SLC43A1: variants seen among roughly 807,000 people sequenced by gnomAD.
SLC43A1 encodes the protein solute carrier family 43 member 1.
SLC43A1 carries 31 observed loss-of-function variants against 59.5 expected under a neutral mutation model. The ratio of observed to expected loss-of-function variants is 0.52; its 90% CI spans 0.39 to 0.70. SLC43A1 has a LOEUF of 0.70. Among genes scored for constraint, SLC43A1 ranks in the 30% least tolerant of loss-of-function variants. The pLI, the probability that SLC43A1 is intolerant of heterozygous loss-of-function variation, is 0.00. For missense variants in SLC43A1, 598 were observed against 717.8 expected, an observed-to-expected ratio of 0.83 and a Z score of 1.91; for synonymous variants, 259 against 290.9, an observed-to-expected ratio of 0.89 and a Z score of 1.12.
Position 57,493,997 on chromosome 11 carries a change from A to G in SLC43A1, c.867T>C (p.Pro289=). Reference sequence around the variant, plus strand: ...GCACCTTGACCAGACACTCACTCTCAGGAAGGTTTTCTGAGGTGCCCCGAA... The same window carrying G: ...GCACCTTGACCAGACACTCACTCTCGGGAAGGTTTTCTGAGGTGCCCCGAA... ...QDVRGTSENL[P]ERSVPLRKSL... is the part of the protein sequence containing the mutation. Residue 289 remains proline, a synonymous_variant, in exon 8 of 15, where the codon CCT becomes CCC. Coordinates refer to ENST00000278426, the MANE Select transcript of SLC43A1 (RefSeq NM_003627.6). 6.3e-7 allele frequency: 1 copy of G among 1,591,228 alleles called. No individual in the cohort carries two copies. The highest frequency in any genetic ancestry group is 8.5e-7 in the Non-Finnish European group (1 of 1,170,318).
chr11:57,489,298 G>A lies in SLC43A1; in HGVS notation c.1288C>T (p.Leu430Phe), dbSNP rs533654606. Residue 430 changes from leucine (L) to phenylalanine (F), a missense_variant, in exon 12 of 15, where the codon CTT becomes TTT. Leu to Phe is a conservative substitution (Grantham distance 22). Coordinates refer to ENST00000278426, the MANE Select transcript of SLC43A1 (RefSeq NM_003627.6). Reference sequence around the variant, plus strand: ...AGACAGGTGATGCCAAAACCCACAAGCAGCAGGTTGGTCAGGGTGAAGGCA... The same window carrying A: ...AGACAGGTGATGCCAAAACCCACAAACAGCAGGTTGGTCAGGGTGAAGGCA... The part of the protein sequence containing the change: ...ISAFTLTNLL[L>F]VGFGITCLIN... 6.2e-7 allele frequency: 1 copy of A among 1,614,206 alleles called. No homozygotes were observed. The highest frequency in any genetic ancestry group is 1.7e-5 in the Admixed American group (1 of 60,028).
intron 2 of SLC43A1, among the ~76,000 whole-genome samples, chr11:57,502,488 G>T (rs532407467): frequency 6.6e-6 from 1 of 152,166 alleles, no homozygotes; most frequent in Non-Finnish European, 1.5e-5. Flanking sequence ...CTCCTGGTGG[G>T]TCATGTGGTA....
intron 2 of SLC43A1, among the ~76,000 whole-genome samples, chr11:57,510,159 A>G (rs994827001): frequency 2.0e-5 from 3 of 151,742 alleles, no homozygotes; most frequent in African/African-American, 7.3e-5. Context: ...TGGCTATAAC[A>G]AAAAAAAGAT....
chr11:57,504,483 G>C (rs1287287701), intron 2 of SLC43A1, among the ~76,000 whole-genome samples: 1 of 152,130 alleles, frequency 6.6e-6, no homozygotes, highest in Non-Finnish European at 1.5e-5. Flanking sequence ...TCCCACTAGC[G>C]TGCAAATTTA....
intron 14 of SLC43A1, 151 bp from the exon 15 acceptor site, chr11:57,485,393 A>G (rs546308154): frequency 2.5e-4 from 192 of 766,832 alleles, no homozygotes; most frequent in Middle Eastern, 7.0e-4. Context: ...TTCCACCAGT[A>G]TCTCACTTAA....
chr11:57,488,466 T>C (rs987324958), intron 13 of SLC43A1, among the ~76,000 whole-genome samples: 5 of 152,188 alleles, frequency 3.3e-5, no homozygotes, highest in African/African-American at 1.2e-4. Flanking sequence ...ATAATGGTTG[T>C]CATTTTGTCA....
rs750606531 is a variant in SLC43A1 at position 57,494,111 on chromosome 11, G to A, written c.753C>T (p.Tyr251=). 10 of 1,611,640 alleles carry A rather than the reference G, an allele frequency of 6.2e-6. No individual in the cohort carries two copies. Among genetic ancestry groups the A allele is most frequent in the African/African-American group, 4.0e-5 (3 of 74,766 alleles). ...TCTGGCCCATGGTGGTCACATGGGT[G>A]TAGAAGAGGTCACCTGTCACCTTGT... ...LDHKVTGDLF[Y]THVTTMGQRL... The change falls in exon 8 of 15, where the codon TAC becomes TAT. Residue 251 remains tyrosine, a synonymous_variant. Coordinates refer to ENST00000278426, the MANE Select transcript of SLC43A1 (RefSeq NM_003627.6).
At chr11:57,489,181 G>C in intron 12 of SLC43A1, 70 bp downstream of exon 12, 1 of 1,572,896 alleles carries the variant, frequency 6.4e-7, no homozygotes, top group Non-Finnish European at 8.7e-7. Context: ...CTGGAAGGCA[G>C]GTGCTGGATG....
chr11:57,504,121 C>T lies in SLC43A1; in HGVS notation c.155-2792G>A, dbSNP rs528804688. ...CTGAGGCAGGAGAATGGCGTGAACC[C>T]GGGAGGCGGAGCTTGCAGTGAGCCG... On this transcript the variant is annotated intron_variant, in intron 2 of 14. Coordinates refer to ENST00000278426, the MANE Select transcript of SLC43A1 (RefSeq NM_003627.6). 8.5e-5 allele frequency among the ~76,000 whole-genome samples: 13 copies of T among 152,182 alleles called. No individual in the cohort carries two copies. The South Asian group carries it at 2.5e-3, about 29-fold the overall frequency.
At chr11:57,509,648 A>AGGAAGGAAGGAAGGAAGGAGGGAGGGAG in intron 2 of SLC43A1, among the ~76,000 whole-genome samples, 1 of 62,672 alleles carries the variant, frequency 1.6e-5, no homozygotes, top group African/African-American at 5.7e-5. Context: ...GAAGGAAGGA[A>AGGAAGGAAGGAAGGAAGGAGGGAGGGAG]GGAGGGAGGG....
Position 57,488,907 on chromosome 11 carries a change from CAG to C in SLC43A1, c.1409+7_1409+8del. 6.2e-7 allele frequency: 1 copy of C among 1,612,572 alleles called. No homozygotes were observed. The highest frequency in any genetic ancestry group is 8.5e-7 in the Non-Finnish European group (1 of 1,178,578). ...AGCTCAGGAAGGCATTTCAGCCCAA[CAG>C]ACTCACACTGCAGCATAGAGACTCC... On this transcript the variant is annotated splice_region_variant and intron_variant, in intron 13 of 14. Transcript: ENST00000278426.
At chr11:57,509,889 C>CA (rs1171751969) in intron 2 of SLC43A1, among the ~76,000 whole-genome samples, 3 of 151,656 alleles carry the variant, frequency 2.0e-5, no homozygotes, top group African/African-American at 7.3e-5. Flanking sequence ...TAAAGGACAC[C>CA]AAAAGAAAGT....
chr11:57,493,465 T>C (rs1261033954), intron 8 of SLC43A1, among the ~76,000 whole-genome samples: 2 of 152,176 alleles, frequency 1.3e-5, no homozygotes, highest in African/African-American at 4.8e-5. Context: ...AGCCTATAAC[T>C]GGAGAGCAGG....
Position 57,485,110 on chromosome 11 carries a change from C to T in SLC43A1, c.1666G>A (p.Glu556Lys), listed in dbSNP as rs1590739194. 2 of 1,613,650 alleles carry T rather than the reference C, an allele frequency of 1.2e-6. No homozygotes were observed. Among genetic ancestry groups the T allele is most frequent in the Non-Finnish European group, 1.7e-6 (2 of 1,179,870 alleles). Reference sequence around the variant, plus strand: ...GTCTGAGAAGTCTATGCGGTCACCTCAGAGCCGCTAAGCACCTTCAGTGGG... The same window carrying T: ...GTCTGAGAAGTCTATGCGGTCACCTTAGAGCCGCTAAGCACCTTCAGTGGG... ...MGPLKVLSGS[E>K]VTA The change falls in exon 15 of 15, where the codon GAG (glutamate) becomes AAG (lysine). Residue 556 changes from glutamate (E) to lysine (K), a missense_variant. Transcript: ENST00000278426.
In SLC43A1 at chr11:57,514,808, G is replaced by T; in HGVS notation, c.-14+636C>A. ...CGCAGGGCTCGGGGCACCAGGCTTT[G>T]CACCTCGGAACCCGCTTGCCCCCCT... On this transcript the variant is annotated intron_variant, in intron 1 of 14. Transcript: ENST00000278426. The surrounding 1 kb of genome is among the most constrained non-coding windows in gnomAD (Gnocchi z 5.5). 2.0e-6 allele frequency: 2 copies of T among 985,506 alleles called. No individual in the cohort carries two copies. The highest frequency in any genetic ancestry group is 4.7e-5 in the South Asian group (1 of 21,282). 61.0% of individuals were successfully genotyped at this position (985,506 alleles called of 1,614,324 possible). A position where few individuals can be genotyped will look rare whatever the true frequency, so the allele number is the denominator to read the frequency against.
chr11:57,498,545 A>C (rs1243698649), intron 5 of SLC43A1, among the ~76,000 whole-genome samples: 1 of 152,206 alleles, frequency 6.6e-6, no homozygotes, highest in African/African-American at 2.4e-5. Flanking sequence ...ACTCAAGTTC[A>C]CAGAGCACAT....
chr11:57,498,213 G>A (rs777667587), intron 5 of SLC43A1, among the ~76,000 whole-genome samples: 65 of 152,178 alleles, frequency 4.3e-4, no homozygotes, highest in Non-Finnish European at 8.8e-5. Context: ...AGCCGAAGCT[G>A]GTGGGAAGCT....
chr11:57,501,617 A>T (rs1944269877), intron 2 of SLC43A1, among the ~76,000 whole-genome samples: 1 of 152,226 alleles, frequency 6.6e-6, no homozygotes, highest in Admixed American at 6.5e-5. Flanking sequence ...GTCCAAGCTT[A>T]GGGGGTTGTG....
At chr11:57,491,669 T>G (rs1590749947) in intron 9 of SLC43A1, 43 bp from the exon 10 acceptor site, 5 of 1,614,140 alleles carry the variant, frequency 3.1e-6, no homozygotes, top group Non-Finnish European at 1.7e-6. Flanking sequence ...TCAGCCAGGG[T>G]GACCCGCCTG....
Sources: allele counts gnomAD v4.1 joint callset (sites outside exome capture counted in the v4.1 genomes callset), GRCh38; gene constraint gnomAD v4.1.1; non-coding constraint Gnocchi (gnomAD v3.1); transcripts MANE v1.5; gene names NCBI Gene and HGNC (gene_info 2026-07-23, HGNC 2026-07-21).